Variants in CPEB2 observed in about 807,000 individuals in gnomAD.
CPEB2 encodes cytoplasmic polyadenylation element binding protein 2, also known as cytoplasmic polyadenylation element-binding protein 2.
CPEB2 carries 56 observed loss-of-function variants against 93.6 expected under a neutral mutation model. That is an observed-to-expected ratio of 0.60 (90% CI 0.48 to 0.75). The LOEUF (loss-of-function observed/expected upper bound fraction) is 0.75, where lower values mean the gene tolerates loss of function less well. Among genes scored for constraint, CPEB2 ranks in the 30% least tolerant of loss-of-function variants. CPEB2 has a pLI of 0.00. For missense variants in CPEB2, 1,579 were observed against 1,395.1 expected (o/e 1.13, Z -2.10); for synonymous variants, 764 against 586.3 (o/e 1.30, Z -4.38).
At chr4:15,039,293 C>G (rs1456699202) in intron 5 of CPEB2, among the ~76,000 whole-genome samples, 1 of 152,140 alleles carries the variant, frequency 6.6e-6, no homozygotes, top group East Asian at 1.9e-4. Flanking sequence ...ATTAGAGGAA[C>G]TAGTGTGTTA....
intron 6 of CPEB2, among the ~76,000 whole-genome samples, chr4:15,044,892 CCTTCT>C (rs1324879809): frequency 1.3e-5 from 2 of 152,042 alleles, no homozygotes; most frequent in Non-Finnish European, 2.9e-5. Context: ...TTTTGCTCTT[CCTTCT>C]CTTATTACTT....
intron 4 of CPEB2, among the ~76,000 whole-genome samples, chr4:15,029,200 C>T (rs1725821599): frequency 6.6e-6 from 1 of 152,082 alleles, no homozygotes; most frequent in Admixed American, 6.6e-5. Flanking sequence ...ACATCAGATT[C>T]AAGCTTTGCT....
intron 11 of CPEB2, among the ~76,000 whole-genome samples, chr4:15,065,469 A>C (rs2702570): frequency 0.15 from 22,374 of 152,024 alleles, 2,905 homozygotes; most frequent in African/African-American, 0.34. Flanking sequence ...ATATTTTACC[A>C]TGTGCCGAGC....
At chr4:15,046,413 A>T (rs1727705714) in intron 6 of CPEB2, among the ~76,000 whole-genome samples, 1 of 152,112 alleles carries the variant, frequency 6.6e-6, no homozygotes. Context: ...TTTAGTAGAG[A>T]CGGGGTTTCA....
In CPEB2 at chr4:15,068,877, T is replaced by G. The variant is rs1729889386; in HGVS notation, c.*2497T>G. The G allele has an allele frequency of 6.6e-6, 1 of 152,264 alleles. No homozygotes were observed. The highest frequency in any genetic ancestry group is 1.5e-5 in the Non-Finnish European group (1 of 67,806). 9.4% of individuals were successfully genotyped at this position (152,264 alleles called of 1,614,324 possible). A position where few individuals can be genotyped will look rare whatever the true frequency, so the allele number is the denominator to read the frequency against. On this transcript the variant is annotated 3_prime_UTR_variant, in exon 12 of 12. Coordinates refer to ENST00000538197, the MANE Select transcript of CPEB2 (RefSeq NM_001177382.2). ...CAAGTAAAGCTTATTAGTCTAATGT[T>G]TTGTTCCTTTCCCACCTCACCCCTA...
In CPEB2 at chr4:15,036,006, C is replaced by T. The variant is rs937371031; in HGVS notation, c.2176+2795C>T. On this transcript the variant is annotated intron_variant, in intron 5 of 11. Transcript: ENST00000538197. ...ACCTGTAAAGATTTTATGATTCTAC[C>T]TTAATAGTTAATCAGCAGTTATGGT... Among the ~76,000 whole-genome samples the T allele has an allele frequency of 2.0e-5, 3 of 152,102 alleles. No homozygotes were observed. The East Asian group carries it at 5.8e-4, about 29-fold the overall frequency.
intron 6 of CPEB2, 92 bp from the exon 7 acceptor site, chr4:15,052,322 T>C: frequency 1.1e-6 from 1 of 876,146 alleles, no homozygotes; most frequent in Non-Finnish European, 1.6e-6. Context: ...ACCTTCATTT[T>C]TAAGTCTTTG....
chr4:15,055,250 A>G (rs1728602061), intron 8 of CPEB2, among the ~76,000 whole-genome samples: 1 of 152,158 alleles, frequency 6.6e-6, no homozygotes, highest in African/African-American at 2.4e-5. Flanking sequence ...GGGAATCAAG[A>G]GCATCTTTTG....
chr4:15,003,118 T>TCCTCCTCCG lies in CPEB2; in HGVS notation c.454_462dup (p.Ala152_Ser154dup). 6.5e-7 allele frequency: 1 copy of TCCTCCTCCG among 1,530,598 alleles called. No individual in the cohort carries two copies. Among genetic ancestry groups the TCCTCCTCCG allele is most frequent in the Non-Finnish European group, 8.7e-7 (1 of 1,145,140 alleles). The allele number at this position is 1,530,598 out of a possible 1,614,324, so 94.8% of individuals were successfully genotyped here. A position where few individuals can be genotyped will look rare whatever the true frequency, so the allele number is the denominator to read the frequency against. Reference sequence around the variant, plus strand: ...CAAACCGAGTCTGCACCACCCCTCCTCCTCCTCCGCCTCCTCCTGCTGCTG... The same window carrying TCCTCCTCCG: ...CAAACCGAGTCTGCACCACCCCTCCTCCTCCTCCGCCTCCTCCGCCTCCTCCTGCTGCTG... On this transcript the variant is annotated inframe_insertion, in exon 1 of 12. Coordinates refer to ENST00000538197, the MANE Select transcript of CPEB2 (RefSeq NM_001177382.2).
chr4:15,024,131 C>T (rs554453432), intron 4 of CPEB2, among the ~76,000 whole-genome samples: 30 of 152,158 alleles, frequency 2.0e-4, no homozygotes, highest in East Asian at 1.9e-4. Context: ...TACATACAAA[C>T]GCATCAAATT....
Position 15,003,743 on chromosome 4 carries a change from G to C in CPEB2, c.1070G>C (p.Gly357Ala), listed in dbSNP as rs1267966887. 1 of 1,276,704 alleles carries C rather than the reference G, an allele frequency of 7.8e-7. No individual in the cohort carries two copies. Among genetic ancestry groups the C allele is most frequent in the Non-Finnish European group, 9.8e-7 (1 of 1,017,748 alleles). 79.1% of individuals were successfully genotyped at this position (1,276,704 alleles called of 1,614,324 possible). Residue 357 changes from glycine to alanine, a missense_variant, in exon 1 of 12, where the codon GGG becomes GCG. Around this residue, in one of 2 missense-constraint regions of CPEB2, gnomAD observed 1,411 missense variants for 1,056.0 expected, o/e 1.34. Transcript: ENST00000538197. ...LPHPGGGGGGGGGGPPGGGGG... is the reference protein window; with the variant it reads ...LPHPGGGGGGAGGGPPGGGGG... Reference sequence around the variant, plus strand: ...CACCCGGGCGGCGGCGGCGGCGGCGGGGGCGGGGGGCCCCCAGGAGGCGGA... The same window carrying C: ...CACCCGGGCGGCGGCGGCGGCGGCGCGGGCGGGGGGCCCCCAGGAGGCGGA...
intron 1 of CPEB2, chr4:15,004,849 A>G (rs1462143062): frequency 6.6e-6 from 1 of 152,206 alleles, no homozygotes; most frequent in African/African-American, 2.4e-5. Flanking sequence ...GGGCAGGGGA[A>G]AAATGATTGC....
At chr4:15,058,273 G>T in intron 8 of CPEB2, 148 bp from the exon 9 acceptor site, 1 of 587,468 alleles carries the variant, frequency 1.7e-6, no homozygotes, top group Non-Finnish European at 3.0e-6. Flanking sequence ...ATAAGATATT[G>T]TGTTCTCTTG....
chr4:15,007,338 C>T lies in CPEB2; in HGVS notation c.1696C>T (p.Gln566Ter). The T allele has an allele frequency of 6.3e-7, 1 of 1,581,214 alleles. No homozygotes were observed. The highest frequency in any genetic ancestry group is 8.6e-7 in the Non-Finnish European group (1 of 1,158,832). The stretch of plus-strand genomic sequence containing the variant: ...GAAACAGTCTCCCTGGAGCAACCAT[C>T]AGAGCAGTGGCTGGGGCACTGGAAG... ...LLKQSPWSNH[Q>*]SSGWGTGSMS... The change falls in exon 2 of 12, where the codon CAG becomes TAG. Residue 566 changes from glutamine (Q) to a stop codon, truncating the protein, a stop_gained. Transcript: ENST00000538197. LOFTEE classifies it high-confidence loss of function.
intron 3 of CPEB2, among the ~76,000 whole-genome samples, chr4:15,013,639 A>G (rs1332678424): frequency 6.6e-6 from 1 of 152,034 alleles, no homozygotes; most frequent in African/African-American, 2.4e-5. Flanking sequence ...TAATTCCTGC[A>G]ATTTATTTAA....
intron 4 of CPEB2, among the ~76,000 whole-genome samples, chr4:15,032,347 T>G (rs929592615): frequency 6.6e-6 from 1 of 152,228 alleles, no homozygotes; most frequent in Admixed American, 6.5e-5. Context: ...TAATATAGAC[T>G]AAAAATAATG....
At chr4:15,012,480 A>G (rs1190873546) in intron 3 of CPEB2, among the ~76,000 whole-genome samples, 1 of 152,156 alleles carries the variant, frequency 6.6e-6, no homozygotes, top group Non-Finnish European at 1.5e-5. Flanking sequence ...GATAAAAAAT[A>G]CTATTCTTTG....
intron 11 of CPEB2, among the ~76,000 whole-genome samples, chr4:15,063,182 A>C (rs938182495): frequency 2.0e-5 from 3 of 152,044 alleles, no homozygotes; most frequent in Non-Finnish European, 4.4e-5. Context: ...TTGGCACATT[A>C]AAAGACTATT....
intron 3 of CPEB2, among the ~76,000 whole-genome samples, chr4:15,015,876 A>G (rs1351636460): frequency 6.6e-6 from 1 of 152,022 alleles, no homozygotes; most frequent in African/African-American, 2.4e-5. Context: ...CAATAATAGT[A>G]AAGTAGGACA....
Sources: gnomAD v4.1 joint callset for allele counts (sites outside exome capture counted in the v4.1 genomes callset) on GRCh38, gnomAD v4.1.1 for gene constraint, gnomAD v4.1.1 regional missense constraint, MANE v1.5 for transcripts, NCBI Gene and HGNC (gene_info 2026-07-23, HGNC 2026-07-21) for gene names.